ELL2: variants seen among roughly 807,000 people sequenced by gnomAD.
The protein encoded by ELL2 is RNA polymerase II elongation factor ELL2.
A neutral mutation model predicts 72.8 loss-of-function variants in ELL2; 21 were observed. That is an observed-to-expected ratio of 0.29 (90% CI 0.20 to 0.42). The LOEUF (loss-of-function observed/expected upper bound fraction) is 0.42, where lower values mean the gene tolerates loss of function less well. ELL2 is among the 10% of genes least tolerant of loss of function. ELL2 has a pLI of 1.00. For missense variants in ELL2, 568 were observed against 772.8 expected (o/e 0.73, Z 3.14); for synonymous variants, 266 against 283.2 (o/e 0.94, Z 0.61).
intron 2 of ELL2, among the ~76,000 whole-genome samples, chr5:95,939,320 G>T (rs1750887556): frequency 6.6e-6 from 1 of 151,904 alleles, no homozygotes; most frequent in African/African-American, 2.4e-5. Context: ...GTATGTGTTT[G>T]TTAAGACTGT....
At chr5:95,931,114 T>C in intron 2 of ELL2, among the ~76,000 whole-genome samples, 1 of 151,792 alleles carries the variant, frequency 6.6e-6, no homozygotes, top group East Asian at 1.9e-4. Flanking sequence ...AGAGCCCTAA[T>C]GGACCACATC....
intron 2 of ELL2, among the ~76,000 whole-genome samples, chr5:95,927,476 T>TAC (rs560734864): frequency 6.3e-4 from 12 of 18,946 alleles, no homozygotes; most frequent in Admixed American, 1.4e-3. Context: ...TATATAGACA[T>TAC]ACACACACGT....
At position 95,896,374 on chromosome 5, in the gene ELL2, C is replaced by A. The variant is rs139625622; in HGVS notation, c.1526-683G>T. On this transcript the variant is annotated intron_variant, in intron 8 of 11. Coordinates refer to ENST00000237853, the MANE Select transcript of ELL2 (RefSeq NM_012081.6). ...CAGTATGCCATTTGCTTAAATGCAC[C>A]ATGTCCAGAGGATATGTTTAGATTC... Among the ~76,000 whole-genome samples the A allele has an allele frequency of 8.6e-3, 1,311 of 151,976 alleles. 17 individuals are homozygous for A. Among genetic ancestry groups the A allele is most frequent in the African/African-American group, 0.031 (1,266 of 41,420 alleles).
At position 95,898,669 on chromosome 5, in the gene ELL2, G is replaced by A; in HGVS notation, c.1096C>T (p.Pro366Ser). 1 of 1,613,162 alleles carries A rather than the reference G, an allele frequency of 6.2e-7. No individual in the cohort carries two copies. Among genetic ancestry groups the A allele is most frequent in the Non-Finnish European group, 8.5e-7 (1 of 1,179,472 alleles). Residue 366 changes from proline (P) to serine (S), a missense_variant, in exon 8 of 12, where the codon CCC (proline) becomes TCC (serine). By Grantham distance (74) the Pro-to-Ser change is moderately conservative. Transcript: ENST00000237853. ...SEKSAAGLPL[P>S]PAAAAIPTPP... ...GTAGGGATGGCAGCAGCCGCAGGGG[G>A]CAGCGGGAGGCCTGCAGCAGATTTT...
At chr5:95,895,814 A>C in intron 8 of ELL2, 123 bp from the exon 9 acceptor site, 3 of 792,960 alleles carry the variant, frequency 3.8e-6, no homozygotes, top group Non-Finnish European at 6.4e-6. Context: ...CTTCCATCTC[A>C]ATAAGCAACA....
chr5:95,910,907 T>C (rs1749565359), intron 4 of ELL2, among the ~76,000 whole-genome samples: 1 of 152,244 alleles, frequency 6.6e-6, no homozygotes, highest in African/African-American at 2.4e-5. Flanking sequence ...AACTTGTTAA[T>C]GAGATCACAC....
chr5:95,926,021 T>C (rs1197669085), intron 2 of ELL2, among the ~76,000 whole-genome samples: 1 of 152,222 alleles, frequency 6.6e-6, no homozygotes, highest in Non-Finnish European at 1.5e-5. Context: ...TAGAGAAATA[T>C]ATTTGCATGT....
At chr5:95,930,163 A>G (rs1227777525) in intron 2 of ELL2, among the ~76,000 whole-genome samples, 1 of 152,194 alleles carries the variant, frequency 6.6e-6, no homozygotes, top group African/African-American at 2.4e-5. Context: ...TTTCTCAGAA[A>G]CAAAGCCCAA....
chr5:95,954,687 G>A (rs1751566706), intron 1 of ELL2, among the ~76,000 whole-genome samples: 2 of 137,064 alleles, frequency 1.5e-5, no homozygotes, highest in African/African-American at 5.4e-5. Flanking sequence ...TGATGCGCCC[G>A]CCTAGGCCTC....
intron 2 of ELL2, among the ~76,000 whole-genome samples, chr5:95,934,061 A>T (rs1750688530): frequency 6.6e-6 from 1 of 152,192 alleles, no homozygotes; most frequent in Admixed American, 6.5e-5. Flanking sequence ...CTTCTTTCCT[A>T]ATCTGAAAAC....
At position 95,927,776 on chromosome 5, in the gene ELL2, T is replaced by TACACACACAC. The variant is rs1561505431; in HGVS notation, c.196-8232_196-8231insGTGTGTGTGT. On this transcript the variant is annotated intron_variant, in intron 2 of 11. Transcript: ENST00000237853. ...GTGTATATAGACATACACACACACA[T>TACACACACAC]ATGTGTGTATATAGACATACACACA... 2.3e-4 allele frequency among the ~76,000 whole-genome samples: 14 copies of TACACACACAC among 60,204 alleles called. 4 individuals carry two copies. Among genetic ancestry groups the TACACACACAC allele is most frequent in the Non-Finnish European group, 4.2e-4 (14 of 33,572 alleles). The allele number at this position is 60,204 out of a possible 152,430, so 39.5% of individuals were successfully genotyped here. A position where few individuals can be genotyped will look rare whatever the true frequency, so the allele number is the denominator to read the frequency against.
rs1482331436 is a variant in ELL2 at position 95,954,279 on chromosome 5, C to A, written c.147+7296G>T. Among the ~76,000 whole-genome samples the A allele has an allele frequency of 2.0e-5, 3 of 152,274 alleles. No individual in the cohort carries two copies. The East Asian group carries it at 5.8e-4, about 29-fold the overall frequency. ...ATCACTCACATCTTTATCTCTCCTACCCCCAACTCCACTCTCCCAACTGCT... is the reference window on the plus strand; with the variant it reads ...ATCACTCACATCTTTATCTCTCCTAACCCCAACTCCACTCTCCCAACTGCT... On this transcript the variant is annotated intron_variant, in intron 1 of 11. Coordinates refer to ENST00000237853, the MANE Select transcript of ELL2 (RefSeq NM_012081.6).
intron 4 of ELL2, among the ~76,000 whole-genome samples, chr5:95,909,761 A>G (rs1007096069): frequency 6.6e-6 from 1 of 152,234 alleles, no homozygotes; most frequent in Non-Finnish European, 1.5e-5. Context: ...TCGCTGTTTC[A>G]TAACAAGGAG....
chr5:95,960,208 C>T (rs1443420705), intron 1 of ELL2, among the ~76,000 whole-genome samples: 1 of 151,902 alleles, frequency 6.6e-6, no homozygotes, highest in Non-Finnish European at 1.5e-5. Context: ...GAGTGTGTTC[C>T]TCAGTACCGA....
intron 2 of ELL2, among the ~76,000 whole-genome samples, chr5:95,924,556 T>C (rs570558418): frequency 1.3e-5 from 2 of 152,354 alleles, no homozygotes; most frequent in African/African-American, 4.8e-5. Context: ...AAGAATAAAA[T>C]ATTATTTAAA....
chr5:95,947,963 T>C (rs1021253089), intron 1 of ELL2, among the ~76,000 whole-genome samples: 1 of 152,200 alleles, frequency 6.6e-6, no homozygotes, highest in African/African-American at 2.4e-5. Flanking sequence ...CACTCATTTA[T>C]GGAATAGTTG....
chr5:95,961,460 C>CGCTGACGGTAGCA (rs1751850135), intron 1 of ELL2, 115 bp downstream of exon 1: 16 of 1,258,978 alleles, frequency 1.3e-5, no homozygotes, highest in Non-Finnish European at 1.5e-5. Context: ...CCGCTGCGGG[C>CGCTGACGGTAGCA]GCTGACGGTA....
At chr5:95,951,880 T>C (rs1751420152) in intron 1 of ELL2, among the ~76,000 whole-genome samples, 1 of 152,174 alleles carries the variant, frequency 6.6e-6, no homozygotes, top group African/African-American at 2.4e-5. Context: ...TACTTGCTGA[T>C]AGATCAAATA....
chr5:95,908,737 G>A (rs1009377313), intron 4 of ELL2, among the ~76,000 whole-genome samples: 2 of 152,050 alleles, frequency 1.3e-5, no homozygotes, highest in East Asian at 3.8e-4. Context: ...ATTTTAATAG[G>A]AAATATTTTT....
Sources: gnomAD v4.1 joint callset for allele counts (sites outside exome capture counted in the v4.1 genomes callset) on GRCh38, gnomAD v4.1.1 for gene constraint, MANE v1.5 for transcripts, NCBI Gene and HGNC (gene_info 2026-07-23, HGNC 2026-07-21) for gene names.